TBL1X: variants seen among roughly 807,000 people sequenced by gnomAD.
TBL1X encodes F-box-like/WD repeat-containing protein TBL1X.
In TBL1X, 10 loss-of-function variants were observed where a neutral mutation model predicts 50.7. The observed-to-expected ratio is 0.20, with a 90% CI of 0.12 to 0.33. The LOEUF (loss-of-function observed/expected upper bound fraction) is 0.33. Ranked by LOEUF, TBL1X falls within the 10% of genes least tolerant of loss-of-function variation. TBL1X has a pLI of 1.00. For synonymous variants in TBL1X, 190 were observed against 214.7 expected, an observed-to-expected ratio of 0.88 and a Z score of 1.01; for missense variants, 340 against 504.4, an observed-to-expected ratio of 0.67 and a Z score of 3.12.
intron 2 of TBL1X, among the ~76,000 whole-genome samples, chrX:9,633,496 A>C: frequency 8.9e-6 from 1 of 112,305 alleles, no homozygotes; most frequent in Non-Finnish European, 1.9e-5. Flanking sequence ...GGTGAGTAGA[A>C]AGAGAAATGA....
intron 5 of TBL1X, among the ~76,000 whole-genome samples, chrX:9,681,507 T>C (rs1268592535): frequency 8.9e-6 from 1 of 112,205 alleles, no homozygotes; most frequent in Non-Finnish European, 1.9e-5. Context: ...GTGCCCAGGT[T>C]TGGTTGAAGA....
At chrX:9,701,051 A>G (rs2083167921) in intron 12 of TBL1X, among the ~76,000 whole-genome samples, 1 of 110,162 alleles carries the variant, frequency 9.1e-6, no homozygotes, top group South Asian at 4.0e-4. Flanking sequence ...CTTAGTGGCG[A>G]CGGAACACTT....
intron 2 of TBL1X, among the ~76,000 whole-genome samples, chrX:9,575,038 A>G (rs2082403944): frequency 9.0e-6 from 1 of 111,564 alleles, no homozygotes; most frequent in Non-Finnish European, 1.9e-5. Context: ...TAATTTATAA[A>G]GAAAAGAGGT....
At chrX:9,598,421 C>T in intron 2 of TBL1X, among the ~76,000 whole-genome samples, 1 of 111,824 alleles carries the variant, frequency 8.9e-6, no homozygotes, top group Non-Finnish European at 1.9e-5. Context: ...AAGGCCTGAC[C>T]TCTGAAACCT....
chrX:9,622,718 T>C (rs934275364), intron 2 of TBL1X, among the ~76,000 whole-genome samples: 2 of 112,097 alleles, frequency 1.8e-5, no homozygotes, highest in Admixed American at 9.4e-5. Context: ...GCCAGGCTGG[T>C]CTCGAACTCC....
At chrX:9,500,411 A>G (rs887661113) in intron 1 of TBL1X, among the ~76,000 whole-genome samples, 1 of 110,747 alleles carries the variant, frequency 9.0e-6, no homozygotes, top group Non-Finnish European at 1.9e-5. Context: ...CCTGGCCAAC[A>G]TGGTGAAACC....
chrX:9,609,336 G>GGTTGTGTGT (rs1555900203), intron 2 of TBL1X, among the ~76,000 whole-genome samples: 12 of 94,773 alleles, frequency 1.3e-4, no homozygotes, highest in African/African-American at 4.5e-4. Flanking sequence ...TTTTCTTCCA[G>GGTTGTGTGT]GTGTGTGTGT....
chrX:9,511,200 A>G (rs1234599908), intron 2 of TBL1X, among the ~76,000 whole-genome samples: 1 of 112,612 alleles, frequency 8.9e-6, no homozygotes, highest in African/African-American at 3.2e-5. Context: ...AATGGGAGTT[A>G]AAACAGAGAA....
At chrX:9,565,481 G>A (rs1227229141) in intron 2 of TBL1X, among the ~76,000 whole-genome samples, 1 of 110,829 alleles carries the variant, frequency 9.0e-6, no homozygotes, top group African/African-American at 3.3e-5. Flanking sequence ...AAATCAGTAA[G>A]TGATATCTAA....
chrX:9,604,487 TGGGTTGTC>T (rs2082572957), intron 2 of TBL1X, among the ~76,000 whole-genome samples: 1 of 110,781 alleles, frequency 9.0e-6, no homozygotes, highest in Non-Finnish European at 1.9e-5. Context: ...GGACTTGATC[TGGGTTGTC>T]ATAAATTGTC....
intron 2 of TBL1X, among the ~76,000 whole-genome samples, chrX:9,517,012 T>G (rs1002603392): frequency 8.9e-6 from 1 of 111,737 alleles, no homozygotes; most frequent in Non-Finnish European, 1.9e-5. Context: ...AAAGTAGGAA[T>G]TGTAAAACAT....
At chrX:9,469,859 G>A (rs1261962850) in intron 1 of TBL1X, among the ~76,000 whole-genome samples, 2 of 112,375 alleles carry the variant, frequency 1.8e-5, no homozygotes, top group Non-Finnish European at 3.8e-5. Flanking sequence ...AACACATGGT[G>A]GAATGCCTTA....
intron 2 of TBL1X, among the ~76,000 whole-genome samples, chrX:9,599,448 G>T (rs907648767): frequency 8.9e-6 from 1 of 112,393 alleles, no homozygotes; most frequent in African/African-American, 3.2e-5. Flanking sequence ...CGCCAGGTTG[G>T]GAAAAGTTGC....
intron 1 of TBL1X, 105 bp downstream of exon 1, chrX:9,465,552 C>T (rs2081766687): frequency 8.9e-6 from 1 of 111,926 alleles, no homozygotes; most frequent in South Asian, 3.6e-4. Flanking sequence ...CTCGGGGCGC[C>T]CGAACGCTCC....
chrX:9,620,469 C>A (rs1240077421), intron 2 of TBL1X, among the ~76,000 whole-genome samples: 5 of 112,378 alleles, frequency 4.4e-5, no homozygotes, highest in Non-Finnish European at 9.4e-5. Context: ...ACAAAATAAT[C>A]TGATGACAGT....
chrX:9,628,158 A>AAG (rs199997213), intron 2 of TBL1X, among the ~76,000 whole-genome samples: 1,371 of 112,708 alleles, frequency 0.012, 28 homozygotes, highest in African/African-American at 0.041. Flanking sequence ...AGGACTTGGA[A>AAG]AGAGAAGATT....
chrX:9,497,408 C>CAA (rs35402306), intron 1 of TBL1X, among the ~76,000 whole-genome samples: 13,999 of 30,012 alleles, frequency 0.47, 3,418 homozygotes, highest in East Asian at 0.62. Context: ...GACTCCATCT[C>CAA]AAAAAAAAAA....
rs2283689 is a variant in TBL1X, at chrX:9,620,729, C to T, written c.-130-19544C>T. On this transcript the variant is annotated intron_variant, in intron 2 of 17. Transcript: ENST00000645353. ...GTGACCAACAGAGCAGAGGTGTGCA[C>T]GGTGAACAAAGCCTACAGTGCTTTG... 1.1e-3 allele frequency among the ~76,000 whole-genome samples: 119 copies of T among 111,582 alleles called. 1 individual carries two copies. The East Asian group carries it at 0.017, about 16-fold the overall frequency.
chrX:9,705,148 T>C (rs1242335957), intron 13 of TBL1X, 34 bp downstream of exon 13: 1 of 1,210,427 alleles, frequency 8.3e-7, no homozygotes, highest in Admixed American at 2.2e-5. Flanking sequence ...GTCTCGAGTT[T>C]GTGAGAATGT....
Sources: gnomAD v4.1 joint callset for allele counts (sites outside exome capture counted in the v4.1 genomes callset) on GRCh38, gnomAD v4.1.1 for gene constraint, MANE v1.5 for transcripts, NCBI Gene and HGNC (gene_info 2026-07-23, HGNC 2026-07-21) for gene names.